Variants in TNR observed in about 807,000 individuals in gnomAD.
TNR encodes the protein tenascin-R.
TNR carries 45 observed loss-of-function variants against 150.4 expected under a neutral mutation model. The observed-to-expected ratio is 0.30, with a 90% CI of 0.24 to 0.38. The LOEUF is 0.38. Ranked by LOEUF, TNR falls within the 10% of genes least tolerant of loss-of-function variation. The pLI is 1.00. For synonymous variants in TNR, 687 were observed against 678.4 expected (o/e 1.01, Z -0.20); for missense variants, 1,544 against 1,759.1 (o/e 0.88, Z 2.19).
intron 1 of TNR, among the ~76,000 whole-genome samples, chr1:175,623,100 A>T (rs970651327): frequency 6.6e-6 from 1 of 152,330 alleles, no homozygotes; most frequent in South Asian, 2.1e-4. Flanking sequence ...AACCTATAAC[A>T]GTGCTCTTCA....
intron 1 of TNR, among the ~76,000 whole-genome samples, chr1:175,554,617 C>A: frequency 6.6e-6 from 1 of 152,110 alleles, no homozygotes; most frequent in East Asian, 1.9e-4. Context: ...TGTGGCAGTG[C>A]AGTATTTGGT....
At chr1:175,360,441 G>A (rs2102009769) in intron 14 of TNR, among the ~76,000 whole-genome samples, 1 of 152,306 alleles carries the variant, frequency 6.6e-6, no homozygotes, top group South Asian at 2.1e-4. Context: ...CCTGTTAGAG[G>A]AAAAGATTGT....
At chr1:175,562,449 C>A (rs1661468349) in intron 1 of TNR, among the ~76,000 whole-genome samples, 1 of 152,192 alleles carries the variant, frequency 6.6e-6, no homozygotes, top group Non-Finnish European at 1.5e-5. Context: ...AATTTAAGCA[C>A]CTCTTGTAAC....
At chr1:175,457,123 A>G (rs2102100317) in intron 2 of TNR, among the ~76,000 whole-genome samples, 1 of 152,362 alleles carries the variant, frequency 6.6e-6, no homozygotes, top group East Asian at 1.9e-4. Flanking sequence ...TATTAAAAAT[A>G]AAACTTCTAT....
At chr1:175,720,522 G>A (rs560112868) in intron 1 of TNR, among the ~76,000 whole-genome samples, 85 of 152,332 alleles carry the variant, frequency 5.6e-4, no homozygotes, top group Admixed American at 8.5e-4. Context: ...GACGGGAACT[G>A]TGCTTGGGCT....
rs1268764901 is a variant in TNR at position 175,321,830 on chromosome 1, A to T, written c.*1527T>A. On this transcript the variant is annotated 3_prime_UTR_variant, in exon 23 of 23. Coordinates refer to ENST00000367674, the MANE Select transcript of TNR (RefSeq NM_003285.3). ...AAAGAAGATGGAAAGGCTTCTCATG[A>T]TCTCACCTCATTAAGAAGGTCATTC... is the stretch of plus-strand genomic sequence containing the variant. The T allele has an allele frequency of 6.6e-6, 1 of 152,130 alleles. No homozygotes were observed. The highest frequency in any genetic ancestry group is 1.5e-5 in the Non-Finnish European group (1 of 68,018). The allele number at this position is 152,130 out of a possible 1,614,324, so 9.4% of individuals were successfully genotyped here. A position where few individuals can be genotyped will look rare whatever the true frequency, so the allele number is the denominator to read the frequency against.
At chr1:175,487,184 A>C (rs909266545) in intron 2 of TNR, among the ~76,000 whole-genome samples, 12 of 152,306 alleles carry the variant, frequency 7.9e-5, no homozygotes, top group African/African-American at 2.6e-4. Flanking sequence ...TGTTTTAGTC[A>C]GGTACTAGGT....
chr1:175,641,409 G>T (rs188913382), intron 1 of TNR, among the ~76,000 whole-genome samples: 1 of 152,178 alleles, frequency 6.6e-6, no homozygotes, highest in African/African-American at 2.4e-5. Context: ...GAGTTGTCTA[G>T]AAGTATCTAA....
chr1:175,323,896 C>A (rs1403268480), intron 22 of TNR, among the ~76,000 whole-genome samples: 1 of 152,126 alleles, frequency 6.6e-6, no homozygotes, highest in East Asian at 1.9e-4. Context: ...AACTGAAGGG[C>A]TTCCCTGATG....
At position 175,422,425 on chromosome 1, in the gene TNR, C is replaced by A. The variant is rs544289779; in HGVS notation, c.-63-15648G>T. Reference sequence around the variant, plus strand: ...TGTGGTTCCAGCCATCCTTACCTACCCAGGTGTCCTGCATATTTCCACAAA... The same window carrying A: ...TGTGGTTCCAGCCATCCTTACCTACACAGGTGTCCTGCATATTTCCACAAA... On this transcript the variant is annotated intron_variant, in intron 2 of 22. Transcript: ENST00000367674. 2.0e-5 allele frequency among the ~76,000 whole-genome samples: 3 copies of A among 152,304 alleles called. No individual in the cohort carries two copies. The South Asian group carries it at 6.2e-4, about 32-fold the overall frequency.
intron 2 of TNR, among the ~76,000 whole-genome samples, chr1:175,520,922 C>T (rs1659612713): frequency 6.6e-6 from 1 of 152,150 alleles, no homozygotes; most frequent in African/African-American, 2.4e-5. Flanking sequence ...AACCAGCATT[C>T]CATTGTGGAT....
intron 8 of TNR, among the ~76,000 whole-genome samples, chr1:175,383,993 T>C (rs1652804838): frequency 1.3e-5 from 2 of 152,194 alleles, no homozygotes; most frequent in Admixed American, 1.3e-4. Flanking sequence ...GGGGAGCTCC[T>C]AGGAGGCAGA....
At chr1:175,737,803 C>T (rs773305802) in intron 1 of TNR, among the ~76,000 whole-genome samples, 4 of 152,098 alleles carry the variant, frequency 2.6e-5, no homozygotes, top group African/African-American at 9.7e-5. Flanking sequence ...ATAGGGGTCC[C>T]GAGGAGACCA....
chr1:175,518,121 C>T (rs983553037), intron 2 of TNR, among the ~76,000 whole-genome samples: 1 of 152,324 alleles, frequency 6.6e-6, no homozygotes. Context: ...CCAGATATTA[C>T]ATTGAAATAT....
intron 1 of TNR, among the ~76,000 whole-genome samples, chr1:175,552,330 G>A (rs932880160): frequency 2.0e-5 from 3 of 152,184 alleles, no homozygotes; most frequent in African/African-American, 7.2e-5. Context: ...TATACCTCCA[G>A]TTCCTTCTGC....
intron 1 of TNR, among the ~76,000 whole-genome samples, chr1:175,722,576 C>T (rs1368736803): frequency 6.9e-6 from 1 of 145,638 alleles, no homozygotes; most frequent in African/African-American, 2.5e-5. Context: ...GCAATCCTCC[C>T]ATCTCAGCCT....
At chr1:175,346,471 G>C (rs555873608) in intron 18 of TNR, among the ~76,000 whole-genome samples, 4 of 151,954 alleles carry the variant, frequency 2.6e-5, no homozygotes, top group African/African-American at 9.7e-5. Context: ...AAACAAACAG[G>C]ACTATGTATC....
intron 2 of TNR, among the ~76,000 whole-genome samples, chr1:175,495,642 C>A (rs1658456352): frequency 6.6e-6 from 1 of 152,202 alleles, no homozygotes; most frequent in Non-Finnish European, 1.5e-5. Context: ...TGTTGTCTGC[C>A]TCTCTAGCTG....
chr1:175,573,154 A>T (rs1189156884), intron 1 of TNR, among the ~76,000 whole-genome samples: 1 of 152,226 alleles, frequency 6.6e-6, no homozygotes, highest in African/African-American at 2.4e-5. Flanking sequence ...TACTCCCTGT[A>T]CTTGTGTACA....
Sources: allele counts gnomAD v4.1 joint callset (sites outside exome capture counted in the v4.1 genomes callset), GRCh38; gene constraint gnomAD v4.1.1; transcripts MANE v1.5; gene names NCBI Gene and HGNC (gene_info 2026-07-23, HGNC 2026-07-21).